The following TMEFF2 variants were observed in gnomAD, a reference collection of about 807,000 sequenced individuals.
The protein encoded by TMEFF2 is transmembrane protein with EGF like and two follistatin like domains 2.
Under a neutral mutation model 53.8 loss-of-function variants are expected in TMEFF2, and 28 were observed. The ratio of observed to expected loss-of-function variants is 0.52; its 90% CI spans 0.39 to 0.71. The LOEUF is 0.71. Ranked by LOEUF, TMEFF2 falls within the 30% of genes least tolerant of loss-of-function variation. TMEFF2 has a pLI of 0.00. For synonymous variants in TMEFF2, 162 were observed against 166.3 expected (o/e 0.97, Z 0.20); for missense variants, 353 against 455.2 (o/e 0.78, Z 2.04).
intron 7 of TMEFF2, among the ~76,000 whole-genome samples, chr2:191,993,875 C>G (rs1223387391): frequency 6.6e-6 from 1 of 152,068 alleles, no homozygotes; most frequent in Non-Finnish European, 1.5e-5. Context: ...ATGTTTTTCA[C>G]TGATGCCTTG....
intron 4 of TMEFF2, among the ~76,000 whole-genome samples, chr2:192,128,893 G>T (rs1689742223): frequency 6.8e-6 from 1 of 146,604 alleles, no homozygotes; most frequent in East Asian, 2.1e-4. Flanking sequence ...GCGCATTTTG[G>T]CTTCCCCCGG....
intron 5 of TMEFF2, among the ~76,000 whole-genome samples, chr2:192,056,768 A>G (rs938325819): frequency 6.6e-6 from 1 of 152,066 alleles, no homozygotes; most frequent in Non-Finnish European, 1.5e-5. Flanking sequence ...CGATTAGGTT[A>G]TGGGGGTGAA....
intron 5 of TMEFF2, among the ~76,000 whole-genome samples, chr2:192,009,277 A>G (rs1327939719): frequency 6.6e-6 from 1 of 152,152 alleles, no homozygotes; most frequent in African/African-American, 2.4e-5. Context: ...ATATAAAATG[A>G]AGGACAGGTG....
chr2:192,161,979 A>G (rs970564029), intron 4 of TMEFF2, among the ~76,000 whole-genome samples: 2 of 152,204 alleles, frequency 1.3e-5, no homozygotes, highest in Non-Finnish European at 2.9e-5. Flanking sequence ...AGCGTTTTGA[A>G]GGGTGCTGAC....
chr2:192,096,593 A>G (rs1454107862), intron 4 of TMEFF2, among the ~76,000 whole-genome samples: 2 of 150,416 alleles, frequency 1.3e-5, no homozygotes, highest in Admixed American at 1.3e-4. Flanking sequence ...TAAAACACCA[A>G]TATATATTTT....
chr2:192,052,569 ATGC>A (rs1000407036), intron 5 of TMEFF2, among the ~76,000 whole-genome samples: 1 of 152,200 alleles, frequency 6.6e-6, no homozygotes, highest in African/African-American at 2.4e-5. Context: ...GGTATTCCCA[ATGC>A]TATCAGATGG....
chr2:192,021,066 A>T (rs928309767), intron 5 of TMEFF2, among the ~76,000 whole-genome samples: 4 of 152,172 alleles, frequency 2.6e-5, no homozygotes, highest in African/African-American at 9.6e-5. Flanking sequence ...CATATTAAAA[A>T]GTTTAAGAAT....
At chr2:192,191,739 C>A (rs1458316609) in intron 2 of TMEFF2, 141 bp downstream of exon 2, 1 of 593,548 alleles carries the variant, frequency 1.7e-6, no homozygotes. Context: ...TCAGTTGGCT[C>A]TCTTGCTAGT....
At chr2:192,095,852 T>C (rs1042868390) in intron 4 of TMEFF2, among the ~76,000 whole-genome samples, 3 of 152,172 alleles carry the variant, frequency 2.0e-5, no homozygotes, top group Non-Finnish European at 4.4e-5. Context: ...ATAATAAATA[T>C]ACAGCAAATA....
At chr2:192,003,824 G>C (rs552404852) in intron 5 of TMEFF2, among the ~76,000 whole-genome samples, 91 of 151,654 alleles carry the variant, frequency 6.0e-4, no homozygotes, top group African/African-American at 2.1e-3. Context: ...TTTTTTCCAG[G>C]TGTCTGCTTC....
chr2:191,955,548 T>C (rs972350730), intron 8 of TMEFF2, among the ~76,000 whole-genome samples: 1 of 145,272 alleles, frequency 6.9e-6, no homozygotes, highest in Non-Finnish European at 1.5e-5. Flanking sequence ...TTTTTTTTTT[T>C]AGAGATAGGA....
chr2:192,180,068 G>A (rs1370587943), intron 3 of TMEFF2, among the ~76,000 whole-genome samples: 8 of 151,554 alleles, frequency 5.3e-5, no homozygotes, highest in African/African-American at 1.5e-4. Context: ...ATAGTCTAAT[G>A]CGTGTGGCAA....
At chr2:191,955,747 A>C (rs1036828851) in intron 8 of TMEFF2, among the ~76,000 whole-genome samples, 1 of 151,804 alleles carries the variant, frequency 6.6e-6, no homozygotes, top group Non-Finnish European at 1.5e-5. Flanking sequence ...TTCACTTTGC[A>C]CGGCTCCATG....
intron 4 of TMEFF2, among the ~76,000 whole-genome samples, chr2:192,140,375 A>G (rs1690107843): frequency 6.6e-6 from 1 of 152,192 alleles, no homozygotes; most frequent in Non-Finnish European, 1.5e-5. Context: ...GCTCACTATG[A>G]GCTAACCACA....
chr2:192,019,908 A>G (rs886506976), intron 5 of TMEFF2, among the ~76,000 whole-genome samples: 4 of 152,092 alleles, frequency 2.6e-5, no homozygotes, highest in African/African-American at 7.2e-5. Context: ...TACTGCAGTT[A>G]TACTATTTTT....
intron 5 of TMEFF2, among the ~76,000 whole-genome samples, chr2:192,004,459 C>T (rs563552069): frequency 6.6e-6 from 1 of 152,130 alleles, no homozygotes; most frequent in South Asian, 2.1e-4. Flanking sequence ...TACATTAAAC[C>T]ACTGAAAAAC....
At chr2:192,127,301 T>C (rs1299587884) in intron 4 of TMEFF2, among the ~76,000 whole-genome samples, 1 of 152,198 alleles carries the variant, frequency 6.6e-6, no homozygotes, top group Non-Finnish European at 1.5e-5. Context: ...TATTGACTAA[T>C]AATAGAGCAA....
chr2:192,003,042 C>G (rs184938976), intron 5 of TMEFF2, among the ~76,000 whole-genome samples: 4 of 152,284 alleles, frequency 2.6e-5, no homozygotes, highest in African/African-American at 9.6e-5. Context: ...GTCTGAAACT[C>G]TAAGTCCATC....
chr2:192,059,703 CTAATAA>C (rs906972392), intron 4 of TMEFF2, among the ~76,000 whole-genome samples: 1 of 151,976 alleles, frequency 6.6e-6, no homozygotes, highest in Non-Finnish European at 1.5e-5. Context: ...CTCAGCAGGA[CTAATAA>C]TAATATTTCT....
Sources: allele counts gnomAD v4.1 joint callset (sites outside exome capture counted in the v4.1 genomes callset), GRCh38; gene constraint gnomAD v4.1.1; transcripts MANE v1.5; gene names NCBI Gene and HGNC (gene_info 2026-07-23, HGNC 2026-07-21).